Variants in ACAD11 observed in about 807,000 individuals in gnomAD.
ACAD11 encodes acyl-CoA dehydrogenase family member 11.
ACAD11 carries 83 observed loss-of-function variants against 102.2 expected under a neutral mutation model. The observed-to-expected ratio is 0.81, with a 90% CI of 0.68 to 0.97. ACAD11 has a LOEUF of 0.97. Ranked by LOEUF, ACAD11 falls within the 50% of genes least tolerant of loss-of-function variation. The pLI is 0.00. For synonymous variants in ACAD11, 324 were observed against 319.8 expected, an observed-to-expected ratio of 1.01 and a Z score of -0.14; for missense variants, 901 against 951.7, an observed-to-expected ratio of 0.95 and a Z score of 0.70.
Position 132,631,470 on chromosome 3 carries a change from T to TTA in ACAD11, c.711_712insTA (p.Ile238Ter). The TTA allele has an allele frequency of 6.7e-7, 1 of 1,492,778 alleles. No homozygotes were observed. The highest frequency in any genetic ancestry group is 8.9e-7 in the Non-Finnish European group (1 of 1,118,720). 92.5% of individuals were successfully genotyped at this position (1,492,778 alleles called of 1,614,324 possible). ...GACAGCTCCCAATCCAGCACTGCTA[T>TTA]AACTCGACACTGTAATTAAAAATAA... On this transcript the variant is annotated frameshift_variant, in exon 6 of 20. Transcript: ENST00000264990. LOFTEE classifies it high-confidence loss of function.
chr3:132,643,992 G>A (rs761460345), intron 2 of ACAD11, among the ~76,000 whole-genome samples: 3 of 151,956 alleles, frequency 2.0e-5, no homozygotes, highest in African/African-American at 7.3e-5. Context: ...ATACTATATC[G>A]ATATTTAATA....
chr3:132,632,988 G>A (rs1024444283), intron 5 of ACAD11, among the ~76,000 whole-genome samples: 17 of 152,178 alleles, frequency 1.1e-4, no homozygotes, highest in Admixed American at 3.9e-4. Context: ...AGACGACAGC[G>A]TTTTCTAGAT....
At chr3:132,560,084 C>T in intron 18 of ACAD11, 142 bp from the exon 19 acceptor site, 1 of 637,178 alleles carries the variant, frequency 1.6e-6, no homozygotes. Flanking sequence ...CAAAGAGATC[C>T]TGCTGCAATG....
At chr3:132,633,853 T>C (rs10935024) in intron 5 of ACAD11, among the ~76,000 whole-genome samples, 17,257 of 131,488 alleles carry the variant, frequency 0.13, 1,497 homozygotes, top group East Asian at 0.54. Context: ...TGGCTAGCCA[T>C]ATGTAGAAAG....
Position 132,631,383 on chromosome 3 carries a change from T to C in ACAD11, c.799A>G (p.Thr267Ala). Residue 267 changes from threonine (T) to alanine (A), a missense_variant, in exon 6 of 20, where the codon ACA (threonine) becomes GCA (alanine). Physicochemically the swap from Thr to Ala is moderately conservative, Grantham distance 58. Transcript: ENST00000264990. ...HFSLFYFWPR[T>A]VPMINQGSYS... Reference sequence around the variant, plus strand: ...GAACCTTGATTTATCATTGGAACTGTCCTTGGCCAAAAGTAGAACAGGGAA... The same window carrying C: ...GAACCTTGATTTATCATTGGAACTGCCCTTGGCCAAAAGTAGAACAGGGAA... 1 of 1,562,846 alleles carries C rather than the reference T, an allele frequency of 6.4e-7. No individual in the cohort carries two copies. Among genetic ancestry groups the C allele is most frequent in the Non-Finnish European group, 8.7e-7 (1 of 1,152,266 alleles).
Position 132,644,823 on chromosome 3 carries a change from CTGG to C in ACAD11, c.220_222del (p.Pro74del), listed in dbSNP as rs1295012016. On this transcript the variant is annotated inframe_deletion, in exon 2 of 20. Transcript: ENST00000264990. ...TGATGTGCTTTAGGAAGAAGTGAAC[CTGG>C]TGGTTTTTTCCTGAGCACATATGTT... The C allele has an allele frequency of 1.2e-6, 2 of 1,611,516 alleles. No homozygotes were observed. The highest frequency in any genetic ancestry group is 2.7e-5 in the African/African-American group (2 of 74,722).
At chr3:132,594,756 T>TAA (rs1938228226) in intron 13 of ACAD11, among the ~76,000 whole-genome samples, 1 of 152,158 alleles carries the variant, frequency 6.6e-6, no homozygotes, top group Non-Finnish European at 1.5e-5. Flanking sequence ...TAGACAGGAA[T>TAA]AATAGTACTT....
chr3:132,626,790 A>C lies in ACAD11; in HGVS notation c.1098T>G (p.Ile366Met). ...GTACAAACAACTGTCCAGTAGTATC[A>C]ATCTGTGGTAGTACAGTACTGAAAG... Reference protein sequence around the residue: ...KRTFSTVLPQIDTTGQLFVQT... With the variant: ...KRTFSTVLPQMDTTGQLFVQT... The change falls in exon 9 of 20, where the codon ATT (isoleucine) becomes ATG (methionine). Residue 366 changes from isoleucine (I) to methionine (M), a missense_variant. Ile to Met is a conservative substitution (Grantham distance 10). Coordinates refer to ENST00000264990, the MANE Select transcript of ACAD11 (RefSeq NM_032169.5). 6.2e-7 allele frequency: 1 copy of C among 1,613,808 alleles called. No homozygotes were observed. The highest frequency in any genetic ancestry group is 8.5e-7 in the Non-Finnish European group (1 of 1,179,938).
In ACAD11 at chr3:132,575,756, A is replaced by G. The variant is rs371636847; in HGVS notation, c.2001+16T>C. 1.0e-4 allele frequency: 167 copies of G among 1,613,114 alleles called. No homozygotes were observed. The highest frequency in any genetic ancestry group is 1.4e-4 in the Non-Finnish European group (163 of 1,179,294). On this transcript the variant is annotated intron_variant, in intron 17 of 19. Transcript: ENST00000264990. ...GCACCGGGCTACAATAAATTCAAAT[A>G]AGTAATCGTCCTCACATGTGCATAC... is the stretch of plus-strand genomic sequence containing the variant.
At chr3:132,634,406 A>G (rs1940186286) in intron 5 of ACAD11, among the ~76,000 whole-genome samples, 2 of 152,244 alleles carry the variant, frequency 1.3e-5, no homozygotes, top group South Asian at 4.2e-4. Context: ...TCAGGAAACA[A>G]CAGGTGCTGG....
chr3:132,578,860 A>G lies in ACAD11; in HGVS notation c.1710T>C (p.Ile570=). ...SLSRHKQHSM[I]LVPMNTPGVK... The stretch of plus-strand genomic sequence containing the variant: ...CTCCAGGTGTGTTCATGGGAACAAG[A>G]ATCATGCTGTGCTGTTTGTGTCTAG... The change falls in exon 15 of 20, where the codon ATT becomes ATC. Residue 570 remains isoleucine, a synonymous_variant. Coordinates refer to ENST00000264990, the MANE Select transcript of ACAD11 (RefSeq NM_032169.5). The G allele has an allele frequency of 6.2e-7, 1 of 1,613,074 alleles. No homozygotes were observed. Among genetic ancestry groups the G allele is most frequent in the Non-Finnish European group, 8.5e-7 (1 of 1,179,388 alleles).
intron 9 of ACAD11, among the ~76,000 whole-genome samples, chr3:132,624,896 G>A (rs988406261): frequency 6.6e-6 from 1 of 151,932 alleles, no homozygotes; most frequent in Non-Finnish European, 1.5e-5. Flanking sequence ...TGTTGCCCAG[G>A]CTGGTCTCAA....
Position 132,605,110 on chromosome 3 carries a change from A to G in ACAD11, c.1510T>C (p.Phe504Leu). The G allele has an allele frequency of 1.9e-6, 3 of 1,612,534 alleles. No homozygotes were observed. The highest frequency in any genetic ancestry group is 2.5e-6 in the Non-Finnish European group (3 of 1,178,772). Residue 504 changes from phenylalanine to leucine, a missense_variant, in exon 12 of 20, where the codon TTC becomes CTC. By Grantham distance (22) the Phe-to-Leu change is conservative (BLOSUM62 0). Coordinates refer to ENST00000264990, the MANE Select transcript of ACAD11 (RefSeq NM_032169.5). ...PLLQGNITSC[F>L]CMTEPDVASS... is the part of the protein sequence containing the mutation. ...GATTGGCATTTACCTGTCATACAGA[A>G]GCAAGAGGTAATGTTCCCTTGAAGA... is the stretch of plus-strand genomic sequence containing the variant.
In ACAD11 at chr3:132,558,995, G is replaced by T. The variant is rs751849129; in HGVS notation, c.2319C>A (p.Ala773=). 1.2e-6 allele frequency: 2 copies of T among 1,613,466 alleles called. No homozygotes were observed. Among genetic ancestry groups the T allele is most frequent in the Non-Finnish European group, 1.7e-6 (2 of 1,179,614 alleles). Residue 773 remains alanine (A), a synonymous_variant, in exon 20 of 20, where the codon GCC becomes GCA. Transcript: ENST00000264990. ...AIATMELRDQ[A]KRLTAKI ...CTTATATCTTGGCTGTCAGTCTTTT[G>T]GCTTGGTCCCGCAGCTCCATTGTTG... is the stretch of plus-strand genomic sequence containing the variant.
intron 11 of ACAD11, chr3:132,618,391 A>T: frequency 2.3e-6 from 1 of 433,744 alleles, no homozygotes; most frequent in Non-Finnish European, 4.0e-6. Context: ...TACACGACCA[A>T]TCCCTTTGGT....
intron 1 of ACAD11, among the ~76,000 whole-genome samples, chr3:132,648,063 A>T (rs1006792759): frequency 1.1e-4 from 16 of 152,240 alleles, no homozygotes; most frequent in Admixed American, 5.2e-4. Flanking sequence ...ATTTCAACAT[A>T]TGAATTTTTG....
chr3:132,629,405 C>A (rs1939947521), intron 7 of ACAD11, among the ~76,000 whole-genome samples: 1 of 152,178 alleles, frequency 6.6e-6, no homozygotes, highest in African/African-American at 2.4e-5. Context: ...GGTGATCCAC[C>A]CACCTCGGCC....
intron 1 of ACAD11, among the ~76,000 whole-genome samples, chr3:132,653,370 C>T (rs148087428): frequency 2.0e-5 from 3 of 152,126 alleles, no homozygotes; most frequent in African/African-American, 7.2e-5. Flanking sequence ...CTACTGCATA[C>T]AATAATCTGT....
intron 13 of ACAD11, among the ~76,000 whole-genome samples, chr3:132,591,549 G>A (rs1214419302): frequency 4.6e-5 from 7 of 152,106 alleles, no homozygotes; most frequent in Admixed American, 3.3e-4. Flanking sequence ...ATATAATTTT[G>A]TATCTAATAT....
Sources: gnomAD v4.1 joint callset for allele counts (sites outside exome capture counted in the v4.1 genomes callset) on GRCh38, gnomAD v4.1.1 for gene constraint, MANE v1.5 for transcripts, NCBI Gene and HGNC (gene_info 2026-07-23, HGNC 2026-07-21) for gene names.